Variants in GRIN2A observed in about 807,000 individuals in gnomAD.
GRIN2A encodes the protein glutamate receptor ionotropic, NMDA 2A.
Under a neutral mutation model 113.4 loss-of-function variants are expected in GRIN2A, and 22 were observed. That is an observed-to-expected ratio of 0.19 (90% confidence interval 0.14 to 0.28). The LOEUF (loss-of-function observed/expected upper bound fraction) is 0.28, where lower values mean the gene tolerates loss of function less well. Among genes scored for constraint, GRIN2A ranks in the 10% least tolerant of loss-of-function variants. The pLI, the probability that GRIN2A is intolerant of heterozygous loss-of-function variation, is 1.00. For synonymous variants in GRIN2A, 827 were observed against 738.4 expected, an observed-to-expected ratio of 1.12 and a Z score of -1.94; for missense variants, 1,502 against 1,887.0, an observed-to-expected ratio of 0.80 and a Z score of 3.78.
At chr16:9,766,602 T>C (rs930414609) in intron 12 of GRIN2A, among the ~76,000 whole-genome samples, 2 of 152,164 alleles carry the variant, frequency 1.3e-5, no homozygotes, top group Non-Finnish European at 2.9e-5. Context: ...TGCCACAAAA[T>C]AACATCTGCC....
intron 2 of GRIN2A, among the ~76,000 whole-genome samples, chr16:10,170,038 T>G (rs545710980): frequency 6.6e-6 from 1 of 152,196 alleles, no homozygotes; most frequent in African/African-American, 2.4e-5. Flanking sequence ...ATCATTAACA[T>G]AAATGTATGA....
intron 2 of GRIN2A, among the ~76,000 whole-genome samples, chr16:9,999,444 G>C (rs1048937729): frequency 7.2e-5 from 11 of 152,168 alleles, no homozygotes; most frequent in African/African-American, 2.7e-4. Flanking sequence ...CTTTTGTAGG[G>C]ACATGGATGA....
chr16:10,065,924 T>C (rs977134767), intron 2 of GRIN2A, among the ~76,000 whole-genome samples: 3 of 152,168 alleles, frequency 2.0e-5, no homozygotes, highest in Non-Finnish European at 4.4e-5. Context: ...AACATGGGTC[T>C]CTTACGAATA....
At chr16:9,860,283 C>A (rs2043042755) in intron 4 of GRIN2A, among the ~76,000 whole-genome samples, 1 of 151,470 alleles carries the variant, frequency 6.6e-6, no homozygotes, top group Non-Finnish European at 1.5e-5. Flanking sequence ...TGGTGAAACC[C>A]CATCTGTACT....
chr16:10,066,821 T>A (rs926925486), intron 2 of GRIN2A, among the ~76,000 whole-genome samples: 2 of 152,166 alleles, frequency 1.3e-5, no homozygotes, highest in Non-Finnish European at 2.9e-5. Context: ...TTAACACTGA[T>A]ATGTAAGACC....
At chr16:10,004,758 G>A (rs2046377219) in intron 2 of GRIN2A, among the ~76,000 whole-genome samples, 1 of 152,104 alleles carries the variant, frequency 6.6e-6, no homozygotes, top group South Asian at 2.1e-4. Context: ...TGATTATATT[G>A]TTGGGTCCAC....
intron 2 of GRIN2A, among the ~76,000 whole-genome samples, chr16:9,950,237 C>A (rs1310010712): frequency 2.0e-5 from 3 of 152,178 alleles, no homozygotes; most frequent in Admixed American, 6.5e-5. Flanking sequence ...GACTGTTTCC[C>A]TCCCCTAATC....
intron 5 of GRIN2A, among the ~76,000 whole-genome samples, chr16:9,842,357 G>A (rs2042696003): frequency 6.6e-6 from 1 of 152,190 alleles, no homozygotes; most frequent in Non-Finnish European, 1.5e-5. Context: ...TTTCTTCTGG[G>A]CAATATGCTT....
Position 10,180,595 on chromosome 16 carries a change from C to G in GRIN2A, c.-18-166G>C. ...CGAGTCCCCGACGCCATCCACATCC[C>G]TCGATCCATCTCTAACTCTATCCAC... On this transcript the variant is annotated intron_variant, in intron 1 of 12. Transcript: ENST00000330684. This position sits in a 1 kb window ranked among gnomAD's most constrained non-coding sequence, Gnocchi z 7.0. 1 of 683,696 alleles carries G rather than the reference C, an allele frequency of 1.5e-6. No individual in the cohort carries two copies. The highest frequency in any genetic ancestry group is 1.8e-6 in the Non-Finnish European group (1 of 554,478). The allele number at this position is 683,696 out of a possible 1,614,324, so 42.4% of individuals were successfully genotyped here.
At position 9,938,514 on chromosome 16, in the gene GRIN2A, A is replaced by C; in HGVS notation, c.452T>G (p.Ile151Ser). 6.2e-7 allele frequency: 1 copy of C among 1,609,502 alleles called. No homozygotes were observed. The highest frequency in any genetic ancestry group is 8.5e-7 in the Non-Finnish European group (1 of 1,179,952). ...CAGCATGACCGTGGCTTGCTGCTGG[A>C]TGGACGCTCCAAACTGGAAGAAGGT... is the stretch of plus-strand genomic sequence containing the variant. ...TSTFFQFGAS[I>S]QQQATVMLKI... The change falls in exon 3 of 13, where the codon ATC becomes AGC. Residue 151 changes from isoleucine to serine, a missense_variant. By Grantham distance (142) the Ile-to-Ser change is moderately radical. Around this residue, in one of 7 missense-constraint regions of GRIN2A, gnomAD observed 334 missense variants for 403.0 expected, o/e 0.83. Coordinates refer to ENST00000330684, the MANE Select transcript of GRIN2A (RefSeq NM_001134407.3).
chr16:10,087,090 G>A (rs973696305), intron 2 of GRIN2A, among the ~76,000 whole-genome samples: 3 of 152,198 alleles, frequency 2.0e-5, no homozygotes, highest in Non-Finnish European at 4.4e-5. Flanking sequence ...AAAGCTGTAG[G>A]CTCGAGAGTC....
chr16:10,167,696 T>A (rs530454783), intron 2 of GRIN2A, among the ~76,000 whole-genome samples: 3 of 152,294 alleles, frequency 2.0e-5, no homozygotes, highest in East Asian at 3.9e-4. Context: ...ATTATTTAGG[T>A]TTTTTCGCTC....
intron 2 of GRIN2A, among the ~76,000 whole-genome samples, chr16:10,173,889 C>A (rs2050093662): frequency 6.6e-6 from 1 of 152,166 alleles, no homozygotes; most frequent in South Asian, 2.1e-4. Flanking sequence ...TCCGAGTGAA[C>A]ACACTCAGTA....
At chr16:9,995,538 G>A (rs1008028641) in intron 2 of GRIN2A, among the ~76,000 whole-genome samples, 4 of 152,136 alleles carry the variant, frequency 2.6e-5, no homozygotes, top group Non-Finnish European at 5.9e-5. Flanking sequence ...AACTTCCAAG[G>A]AGGGCTTGGG....
At chr16:9,859,239 A>T (rs2043020717) in intron 4 of GRIN2A, among the ~76,000 whole-genome samples, 1 of 151,886 alleles carries the variant, frequency 6.6e-6, no homozygotes, top group South Asian at 2.1e-4. Flanking sequence ...ACCTACACAT[A>T]TTCACAATTA....
rs573514673 is a variant in GRIN2A, at chr16:9,981,601, A to C, written c.415-43050T>G. Among the ~76,000 whole-genome samples, 3 of 152,282 alleles carry C rather than the reference A, an allele frequency of 2.0e-5. No individual in the cohort carries two copies. The East Asian group carries it at 5.8e-4, about 29-fold the overall frequency. On this transcript the variant is annotated intron_variant, in intron 2 of 12. Coordinates refer to ENST00000330684, the MANE Select transcript of GRIN2A (RefSeq NM_001134407.3). ...AAATATTTCAGTATACATCTCTAAA[A>C]GTCAAGGACTCCTTTTTACAAATAT...
chr16:10,029,554 C>T (rs761137859), intron 2 of GRIN2A, among the ~76,000 whole-genome samples: 19 of 152,154 alleles, frequency 1.2e-4, no homozygotes, highest in Non-Finnish European at 1.8e-4. Context: ...AAACAGTAAA[C>T]AGTAAAACAT....
intron 2 of GRIN2A, among the ~76,000 whole-genome samples, chr16:9,972,238 AT>A (rs1425528758): frequency 4.6e-5 from 7 of 152,224 alleles, no homozygotes; most frequent in African/African-American, 1.7e-4. Context: ...AAATGTAAGT[AT>A]AACCAGGTTA....
chr16:9,945,115 G>C (rs949812352), intron 2 of GRIN2A, among the ~76,000 whole-genome samples: 2 of 152,150 alleles, frequency 1.3e-5, no homozygotes, highest in Non-Finnish European at 2.9e-5. Context: ...GAGGCCAGGA[G>C]TTTGAAACCA....
Sources: gnomAD v4.1 joint callset for allele counts (sites outside exome capture counted in the v4.1 genomes callset) on GRCh38, gnomAD v4.1.1 for gene constraint, gnomAD v4.1.1 regional missense constraint, Gnocchi (gnomAD v3.1) non-coding constraint, MANE v1.5 for transcripts, NCBI Gene and HGNC (gene_info 2026-07-23, HGNC 2026-07-21) for gene names.